NECTIN3: variants seen among roughly 807,000 people sequenced by gnomAD.
NECTIN3 encodes nectin-3.
Under a neutral mutation model 49.4 loss-of-function variants are expected in NECTIN3, and 8 were observed. That is an observed-to-expected ratio of 0.16 (90% confidence interval 0.10 to 0.29). NECTIN3 has a LOEUF of 0.29. Ranked by LOEUF, NECTIN3 falls within the 10% of genes least tolerant of loss-of-function variation. The pLI is 1.00. For synonymous variants in NECTIN3, 277 were observed against 241.1 expected, an observed-to-expected ratio of 1.15 and a Z score of -1.38; for missense variants, 581 against 654.6, an observed-to-expected ratio of 0.89 and a Z score of 1.23.
At chr3:111,151,438 A>G (rs1339546950) in intron 7 of NECTIN3, among the ~76,000 whole-genome samples, 4 of 151,994 alleles carry the variant, frequency 2.6e-5, no homozygotes, top group Non-Finnish European at 4.4e-5. Context: ...TATATAATGT[A>G]TGAAAAAGAA....
intron 4 of NECTIN3, among the ~76,000 whole-genome samples, chr3:111,123,599 T>A (rs1215367522): frequency 6.6e-6 from 1 of 152,138 alleles, no homozygotes; most frequent in African/African-American, 2.4e-5. Context: ...GAGATGAATG[T>A]CTGGTATTTG....
chr3:111,088,784 T>G (rs548716111), intron 1 of NECTIN3, among the ~76,000 whole-genome samples: 7 of 152,308 alleles, frequency 4.6e-5, no homozygotes, highest in Non-Finnish European at 1.0e-4. Flanking sequence ...TGGCCCAAAA[T>G]TTTTCTTTCT....
chr3:111,148,298 G>A (rs1251655960), intron 7 of NECTIN3, among the ~76,000 whole-genome samples: 1 of 152,172 alleles, frequency 6.6e-6, no homozygotes, highest in African/African-American at 2.4e-5. Context: ...CTCAGCTTTT[G>A]TTCTTCAGCT....
At chr3:111,120,638 TAGGA>T (rs1447448869) in intron 3 of NECTIN3, among the ~76,000 whole-genome samples, 1 of 152,186 alleles carries the variant, frequency 6.6e-6, no homozygotes, top group Non-Finnish European at 1.5e-5. Context: ...TGCTTTCCAG[TAGGA>T]CAGTCTTCCC....
intron 7 of NECTIN3, among the ~76,000 whole-genome samples, chr3:111,176,833 A>G (rs2035538637): frequency 1.3e-5 from 2 of 152,122 alleles, no homozygotes; most frequent in Non-Finnish European, 2.9e-5. Context: ...CATTTTCTAC[A>G]TTTCTATTAC....
At chr3:111,084,055 A>G (rs769313948) in intron 1 of NECTIN3, among the ~76,000 whole-genome samples, 1 of 152,238 alleles carries the variant, frequency 6.6e-6, no homozygotes, top group Non-Finnish European at 1.5e-5. Context: ...GGCAAGGTCC[A>G]GGAAAAGAGA....
At chr3:111,122,089 G>C (rs1227995092) in intron 3 of NECTIN3, 32 bp from the exon 4 acceptor site, 2 of 1,367,794 alleles carry the variant, frequency 1.5e-6, no homozygotes, top group Admixed American at 3.4e-5. Context: ...TTAACAAAAG[G>C]TAATCTGTCC....
At chr3:111,108,223 A>AT (rs10576910) in intron 1 of NECTIN3, among the ~76,000 whole-genome samples, 4,820 of 136,380 alleles carry the variant, frequency 0.035, 96 homozygotes, top group Middle Eastern at 0.065. Flanking sequence ...CCACTTCTAA[A>AT]TTTTTTTTTT....
chr3:111,164,261 G>A (rs1423929722), intron 7 of NECTIN3, among the ~76,000 whole-genome samples: 1 of 152,022 alleles, frequency 6.6e-6, no homozygotes, highest in African/African-American at 2.4e-5. Context: ...AAATTTAAAT[G>A]TTTAATTTAC....
chr3:111,172,736 C>T (rs1472467878), intron 7 of NECTIN3, among the ~76,000 whole-genome samples: 2 of 152,222 alleles, frequency 1.3e-5, no homozygotes, highest in East Asian at 3.9e-4. Context: ...TGGCCTGTTT[C>T]CTTGATCTGC....
At chr3:111,145,133 T>C in intron 6 of NECTIN3, 1 of 1,333,570 alleles carries the variant, frequency 7.5e-7, no homozygotes, top group Non-Finnish European at 1.0e-6. Flanking sequence ...ACTTAAGGGA[T>C]AGAAGTAAGG....
chr3:111,076,352 A>C lies in NECTIN3; in HGVS notation c.160+4175A>C, dbSNP rs1051094177. Reference sequence around the variant, plus strand: ...AATACATTGCTATAACATATTCTGTAATCTATTAAAATCTTCATAAAAGTT... The same window carrying C: ...AATACATTGCTATAACATATTCTGTCATCTATTAAAATCTTCATAAAAGTT... On this transcript the variant is annotated intron_variant, in intron 1 of 5. Coordinates refer to ENST00000485303, the MANE Select transcript of NECTIN3 (RefSeq NM_015480.3). Among the ~76,000 whole-genome samples, 26 of 152,142 alleles carry C rather than the reference A, an allele frequency of 1.7e-4. 1 individual carries two copies. The highest frequency in any genetic ancestry group is 4.4e-5 in the Non-Finnish European group (3 of 68,018).
intron 7 of NECTIN3, among the ~76,000 whole-genome samples, chr3:111,172,820 C>G (rs1399334384): frequency 6.6e-6 from 1 of 152,160 alleles, no homozygotes; most frequent in Non-Finnish European, 1.5e-5. Flanking sequence ...TGAAATCCTG[C>G]ACACGTTGTT....
At chr3:111,121,260 G>A (rs1345076764) in intron 3 of NECTIN3, among the ~76,000 whole-genome samples, 5 of 150,538 alleles carry the variant, frequency 3.3e-5, no homozygotes, top group South Asian at 2.1e-4. Context: ...TGATCCTCCC[G>A]CCTCAGCTTC....
At position 111,072,086 on chromosome 3, in the gene NECTIN3, TCTC is replaced by T; in HGVS notation, c.73_75del (p.Leu25del). 6.5e-7 allele frequency: 1 copy of T among 1,549,422 alleles called. No individual in the cohort carries two copies. Among genetic ancestry groups the T allele is most frequent in the Non-Finnish European group, 8.7e-7 (1 of 1,146,100 alleles). On this transcript the variant is annotated inframe_deletion, in exon 1 of 6. Coordinates refer to ENST00000485303, the MANE Select transcript of NECTIN3 (RefSeq NM_015480.3). Reference sequence around the variant, plus strand: ...GCAAAGCACAACTTTCCTCCGCTTCTCTCCTCGGAGCCGGGCTCCTGCTGCAGC... The same window carrying T: ...GCAAAGCACAACTTTCCTCCGCTTCTCTCGGAGCCGGGCTCCTGCTGCAGC...
chr3:111,175,103 A>G (rs2035503689), intron 7 of NECTIN3, among the ~76,000 whole-genome samples: 1 of 151,824 alleles, frequency 6.6e-6, no homozygotes, highest in Non-Finnish European at 1.5e-5. Context: ...CTCCTCTTCC[A>G]CCACCTCCAG....
At chr3:111,100,123 C>T (rs1423639750) in intron 1 of NECTIN3, among the ~76,000 whole-genome samples, 3 of 151,914 alleles carry the variant, frequency 2.0e-5, no homozygotes, top group African/African-American at 7.3e-5. Context: ...GAATCATAAG[C>T]CCTATGTAAT....
In NECTIN3 at chr3:111,136,406, C is replaced by T; in HGVS notation, c.*2191C>T. 1 of 984,378 alleles carries T rather than the reference C, an allele frequency of 1.0e-6. No homozygotes were observed. The highest frequency in any genetic ancestry group is 1.2e-6 in the Non-Finnish European group (1 of 829,282). The allele number at this position is 984,378 out of a possible 1,614,324, so 61.0% of individuals were successfully genotyped here. A position where few individuals can be genotyped will look rare whatever the true frequency, so the allele number is the denominator to read the frequency against. ...GGCGGGAGAGGGTGACCTGGAAAGC[C>T]ACAAGTGAGTATTTGACATATTCTG... On this transcript the variant is annotated 3_prime_UTR_variant, in exon 6 of 6. Coordinates refer to ENST00000485303, the MANE Select transcript of NECTIN3 (RefSeq NM_015480.3).
chr3:111,170,525 G>A (rs776616187), intron 7 of NECTIN3, among the ~76,000 whole-genome samples: 2 of 152,172 alleles, frequency 1.3e-5, no homozygotes, highest in Admixed American at 6.5e-5. Flanking sequence ...TAGGTATAGG[G>A]AGTCTTGTAA....
Sources: allele counts gnomAD v4.1 joint callset (sites outside exome capture counted in the v4.1 genomes callset), GRCh38; gene constraint gnomAD v4.1.1; transcripts MANE v1.5; gene names NCBI Gene and HGNC (gene_info 2026-07-23, HGNC 2026-07-21).